The following FBXO16 variants were observed in gnomAD, a reference collection of about 807,000 sequenced individuals.
FBXO16 encodes the protein F-box protein 16.
FBXO16 carries 31 observed loss-of-function variants against 41.0 expected under a neutral mutation model. The observed-to-expected ratio is 0.76, with a 90% confidence interval of 0.57 to 1.02. The LOEUF is 1.02. FBXO16 is among the 50% of genes least tolerant of loss of function. FBXO16 has a pLI of 0.00. For missense variants in FBXO16, 361 were observed against 346.2 expected (o/e 1.04, Z -0.34); for synonymous variants, 133 against 117.8 (o/e 1.13, Z -0.84).
chr8:28,443,394 T>C (rs538609344), intron 7 of FBXO16, among the ~76,000 whole-genome samples: 1 of 152,216 alleles, frequency 6.6e-6, no homozygotes, highest in South Asian at 2.1e-4. Context: ...GCCTCTTTCC[T>C]GATATTAGGC....
At chr8:28,481,057 G>GGC (rs1554528761) in intron 2 of FBXO16, among the ~76,000 whole-genome samples, 2 of 151,774 alleles carry the variant, frequency 1.3e-5, no homozygotes, top group African/African-American at 4.8e-5. Flanking sequence ...TCACTCGGGG[G>GGC]CCCCGAGCCG....
chr8:28,432,748 C>T (rs1380290194), intron 7 of FBXO16, among the ~76,000 whole-genome samples: 1 of 151,980 alleles, frequency 6.6e-6, no homozygotes, highest in Non-Finnish European at 1.5e-5. Context: ...CTAGTGCTGC[C>T]CTGGAACACC....
intron 1 of FBXO16, among the ~76,000 whole-genome samples, chr8:28,487,847 T>C (rs188993281): frequency 6.6e-6 from 1 of 151,618 alleles, no homozygotes; most frequent in East Asian, 2.0e-4. Context: ...ATTCATCTTT[T>C]TTTCTTTTTT....
At chr8:28,486,646 C>T (rs1803607938) in intron 1 of FBXO16, among the ~76,000 whole-genome samples, 2 of 151,830 alleles carry the variant, frequency 1.3e-5, no homozygotes, top group Non-Finnish European at 2.9e-5. Context: ...CATCGAGAGA[C>T]CTTATCTCTA....
At chr8:28,481,149 A>T (rs1226433417) in intron 2 of FBXO16, among the ~76,000 whole-genome samples, 3 of 152,186 alleles carry the variant, frequency 2.0e-5, no homozygotes. Context: ...AAGATCCTCA[A>T]CGCTATGCCT....
intron 3 of FBXO16, among the ~76,000 whole-genome samples, 154 bp downstream of exon 3, chr8:28,473,618 G>A (rs1272035759): frequency 6.6e-6 from 1 of 152,170 alleles, no homozygotes; most frequent in Non-Finnish European, 1.5e-5. Context: ...CCGGAACCAT[G>A]AAAAACAAAT....
chr8:28,481,973 C>G (rs1803520423), intron 2 of FBXO16, among the ~76,000 whole-genome samples: 3 of 152,134 alleles, frequency 2.0e-5, no homozygotes, highest in Admixed American at 1.3e-4. Flanking sequence ...AGTGGATGCC[C>G]TGGGCTCACT....
At chr8:28,459,630 A>AATAATT (rs1803092833) in intron 4 of FBXO16, among the ~76,000 whole-genome samples, 1 of 122,974 alleles carries the variant, frequency 8.1e-6, no homozygotes, top group African/African-American at 3.3e-5. Flanking sequence ...CAAAAATAAT[A>AATAATT]ATAATAATAA....
chr8:28,435,973 A>AATCAG (rs1200136528), intron 7 of FBXO16, among the ~76,000 whole-genome samples: 1 of 152,212 alleles, frequency 6.6e-6, no homozygotes, highest in African/African-American at 2.4e-5. Flanking sequence ...AAAAACATAA[A>AATCAG]ATCAGAAGTT....
intron 3 of FBXO16, among the ~76,000 whole-genome samples, chr8:28,466,761 A>C (rs117294400): frequency 0.03 from 4,493 of 152,224 alleles, 102 homozygotes; most frequent in Non-Finnish European, 0.039. Flanking sequence ...GAACAGTTGG[A>C]AAGTTGGCTT....
chr8:28,463,393 TTTGTA>T (rs1563365496), intron 4 of FBXO16, among the ~76,000 whole-genome samples: 18 of 151,782 alleles, frequency 1.2e-4, no homozygotes, highest in African/African-American at 3.9e-4. Flanking sequence ...TGTGTTTGTG[TTTGTA>T]TGTATTTGTG....
chr8:28,467,125 GC>G (rs1170938821), intron 3 of FBXO16, among the ~76,000 whole-genome samples: 1 of 152,046 alleles, frequency 6.6e-6, no homozygotes, highest in Non-Finnish European at 1.5e-5. Context: ...TTACTTTTGG[GC>G]AGTGCTATGT....
chr8:28,459,699 A>G lies in FBXO16; in HGVS notation c.343-2769T>C, dbSNP rs182507341. Among the ~76,000 whole-genome samples the G allele has an allele frequency of 3.3e-5, 5 of 150,938 alleles. No individual in the cohort carries two copies. The East Asian group carries it at 7.8e-4, about 24-fold the overall frequency. ...ATATATGGCTATTTGATACCCTCTT[A>G]TTACTAGGCATCCAGATTGCTATGT... On this transcript the variant is annotated intron_variant, in intron 4 of 8. Transcript: ENST00000380254.
At chr8:28,474,969 G>A (rs1006472854) in intron 2 of FBXO16, among the ~76,000 whole-genome samples, 7 of 152,184 alleles carry the variant, frequency 4.6e-5, no homozygotes, top group Admixed American at 2.6e-4. Flanking sequence ...GTGGGGACAC[G>A]TGGCAGAGAA....
chr8:28,438,528 A>G (rs1273499948), intron 7 of FBXO16, among the ~76,000 whole-genome samples: 6 of 152,122 alleles, frequency 3.9e-5, no homozygotes. Context: ...GATTTCTCTC[A>G]TCTTTCCTTG....
chr8:28,448,193 T>A (rs1802896022), intron 6 of FBXO16, among the ~76,000 whole-genome samples: 1 of 151,740 alleles, frequency 6.6e-6, no homozygotes. Context: ...TTAAAAAATT[T>A]AGCTGGGCAT....
At chr8:28,448,528 A>G (rs757940946) in intron 6 of FBXO16, among the ~76,000 whole-genome samples, 28 of 152,186 alleles carry the variant, frequency 1.8e-4, no homozygotes, top group Non-Finnish European at 3.1e-4. Flanking sequence ...AAAATCTGAA[A>G]AGCAAAATGA....
chr8:28,464,252 C>A (rs1393544940), intron 3 of FBXO16, among the ~76,000 whole-genome samples: 1 of 152,158 alleles, frequency 6.6e-6, no homozygotes, highest in Non-Finnish European at 1.5e-5. Flanking sequence ...GTATTACAAG[C>A]AAATATCCCT....
intron 7 of FBXO16, among the ~76,000 whole-genome samples, chr8:28,441,946 ATTTTTT>A (rs1216726136): frequency 6.8e-5 from 5 of 73,888 alleles, no homozygotes; most frequent in African/African-American, 1.3e-4. Context: ...GTGTGTGTGT[ATTTTTT>A]TTTTTTTTTT....
Sources: gnomAD v4.1 joint callset for allele counts (sites outside exome capture counted in the v4.1 genomes callset) on GRCh38, gnomAD v4.1.1 for gene constraint, MANE v1.5 for transcripts, NCBI Gene and HGNC (gene_info 2026-07-23, HGNC 2026-07-21) for gene names.